Variants in MBTD1 observed in about 807,000 individuals in gnomAD.
MBTD1 encodes the protein mbt domain containing 1, also known as MBT domain-containing protein 1.
A neutral mutation model predicts 87.8 loss-of-function variants in MBTD1; 24 were observed. The observed-to-expected ratio is 0.27, with a 90% CI of 0.20 to 0.38. MBTD1 has a LOEUF of 0.38. MBTD1 is among the 10% of genes least tolerant of loss of function. The pLI, the probability that MBTD1 is intolerant of heterozygous loss-of-function variation, is 1.00. For synonymous variants in MBTD1, 237 were observed against 248.6 expected (o/e 0.95, Z 0.44); for missense variants, 436 against 760.2 (o/e 0.57, Z 5.02).
intron 12 of MBTD1, among the ~76,000 whole-genome samples, chr17:51,196,113 T>C (rs1433655887): frequency 6.6e-6 from 1 of 152,184 alleles, no homozygotes; most frequent in Admixed American, 6.5e-5. Context: ...GGTCTCACCA[T>C]GTTGCTCAGG....
intron 13 of MBTD1, among the ~76,000 whole-genome samples, chr17:51,194,563 T>A (rs2050977614): frequency 3.5e-5 from 1 of 28,192 alleles, no homozygotes; most frequent in Non-Finnish European, 6.1e-5. Context: ...AGCGAGACTG[T>A]CTCAAAAAAA....
chr17:51,210,772 C>T (rs1375138126), intron 6 of MBTD1, among the ~76,000 whole-genome samples: 1 of 131,282 alleles, frequency 7.6e-6, no homozygotes, highest in Admixed American at 7.5e-5. Flanking sequence ...ACAACAACAA[C>T]AACAACAACA....
chr17:51,211,867 T>A (rs1348608258), intron 6 of MBTD1, among the ~76,000 whole-genome samples: 4 of 152,142 alleles, frequency 2.6e-5, no homozygotes, highest in Non-Finnish European at 5.9e-5. Context: ...AGTTTTACTG[T>A]AAACTATTGC....
At chr17:51,201,201 G>A (rs1271453387) in intron 12 of MBTD1, among the ~76,000 whole-genome samples, 1 of 152,228 alleles carries the variant, frequency 6.6e-6, no homozygotes, top group East Asian at 1.9e-4. Flanking sequence ...AGTTTCAGAT[G>A]AGGGGGAAAA....
At chr17:51,213,087 G>A (rs1212069192) in intron 6 of MBTD1, among the ~76,000 whole-genome samples, 1 of 151,618 alleles carries the variant, frequency 6.6e-6, no homozygotes, top group East Asian at 1.9e-4. Context: ...CACCTAGGCT[G>A]GAGTGCAGTG....
intron 6 of MBTD1, among the ~76,000 whole-genome samples, chr17:51,214,506 C>T (rs931411298): frequency 7.9e-5 from 12 of 152,058 alleles, no homozygotes; most frequent in African/African-American, 2.4e-4. Context: ...TAGAACTAAT[C>T]ACAGTAATAT....
chr17:51,248,927 A>AT (rs1057207298), intron 2 of MBTD1, among the ~76,000 whole-genome samples: 8 of 152,002 alleles, frequency 5.3e-5, no homozygotes, highest in Non-Finnish European at 8.8e-5. Flanking sequence ...TAGATTGACA[A>AT]TTTTTTGTGA....
At chr17:51,260,542 C>T (rs1300780515), upstream of MBTD1, 3 of 1,574,352 alleles carry the variant, frequency 1.9e-6, no homozygotes, top group Non-Finnish European at 2.6e-6. Flanking sequence ...GCATGCGCAG[C>T]GAGGTTCCAC....
chr17:51,184,888 A>C (rs547980524), intron 16 of MBTD1: 1 of 152,356 alleles, frequency 6.6e-6, no homozygotes, highest in East Asian at 1.9e-4. Flanking sequence ...GTTAAAGAGC[A>C]GGTAACACTG....
At position 51,179,390 on chromosome 17, in the gene MBTD1, A is replaced by T. The variant is rs2050194283; in HGVS notation, c.*1186T>A. Reference sequence around the variant, plus strand: ...CCCTTGTATCCTTTTTTTTTTTTTAAAAGGAAGTCATATGAATTTTAAAAC... The same window carrying T: ...CCCTTGTATCCTTTTTTTTTTTTTATAAGGAAGTCATATGAATTTTAAAAC... On this transcript the variant is annotated 3_prime_UTR_variant, in exon 17 of 17. Coordinates refer to ENST00000586178, the MANE Select transcript of MBTD1 (RefSeq NM_017643.3). 1 of 147,660 alleles carries T rather than the reference A, an allele frequency of 6.8e-6. No homozygotes were observed. The highest frequency in any genetic ancestry group is 2.5e-5 in the African/African-American group (1 of 40,208). The allele number at this position is 147,660 out of a possible 1,614,324, so 9.1% of individuals were successfully genotyped here. A position where few individuals can be genotyped will look rare whatever the true frequency, so the allele number is the denominator to read the frequency against.
At chr17:51,221,058 C>T (rs546223520) in intron 3 of MBTD1, among the ~76,000 whole-genome samples, 2 of 152,106 alleles carry the variant, frequency 1.3e-5, no homozygotes, top group South Asian at 2.1e-4. Context: ...TTTGGGAGGC[C>T]GAGGCAGGAG....
At chr17:51,198,276 C>G (rs541808363) in intron 12 of MBTD1, among the ~76,000 whole-genome samples, 1 of 152,308 alleles carries the variant, frequency 6.6e-6, no homozygotes, top group Admixed American at 6.5e-5. Flanking sequence ...TAAAACTTTC[C>G]TTCAGTCCAA....
At chr17:51,222,000 A>C (rs2052927016) in intron 3 of MBTD1, among the ~76,000 whole-genome samples, 1 of 152,190 alleles carries the variant, frequency 6.6e-6, no homozygotes, top group African/African-American at 2.4e-5. Context: ...GAGAAAACTA[A>C]ACGGTTTTCT....
chr17:51,248,879 T>C (rs574238426), intron 2 of MBTD1, among the ~76,000 whole-genome samples: 1 of 152,200 alleles, frequency 6.6e-6, no homozygotes, highest in Non-Finnish European at 1.5e-5. Flanking sequence ...TGAATTTGTT[T>C]TTGTTTTCTT....
At chr17:51,260,542 C>A (rs1300780515), upstream of MBTD1, 1 of 1,574,352 alleles carries the variant, frequency 6.4e-7, no homozygotes, top group Non-Finnish European at 8.6e-7. Flanking sequence ...GCATGCGCAG[C>A]GAGGTTCCAC....
intron 6 of MBTD1, among the ~76,000 whole-genome samples, chr17:51,212,153 T>G (rs1341240017): frequency 6.6e-6 from 1 of 151,528 alleles, no homozygotes; most frequent in African/African-American, 2.4e-5. Flanking sequence ...AGGTCAGGAG[T>G]TCGAGAACAG....
intron 2 of MBTD1, among the ~76,000 whole-genome samples, chr17:51,246,169 A>AT (rs1415286343): frequency 1.3e-5 from 2 of 152,240 alleles, no homozygotes; most frequent in Non-Finnish European, 2.9e-5. Context: ...GCATAATTAG[A>AT]TATCTTGGGG....
Position 51,179,513 on chromosome 17 carries a change from T to TATATTC in MBTD1, c.*1062_*1063insGAATAT, listed in dbSNP as rs1568136119. 202 of 98,974 alleles carry TATATTC rather than the reference T, an allele frequency of 2.0e-3. 9 individuals are homozygous for TATATTC. The highest frequency in any genetic ancestry group is 7.3e-3 in the African/African-American group (189 of 26,024). The allele number at this position is 98,974 out of a possible 1,614,324, so 6.1% of individuals were successfully genotyped here. On this transcript the variant is annotated 3_prime_UTR_variant, in exon 17 of 17. Coordinates refer to ENST00000586178, the MANE Select transcript of MBTD1 (RefSeq NM_017643.3). ...ATATATATATATATATATATATATA[T>TATATTC]ATATATATATATATATATATATATG... is the stretch of plus-strand genomic sequence containing the variant.
chr17:51,220,267 ACAGATAAATGGCAAAAGC>A, intron 4 of MBTD1, 45 bp downstream of exon 4: 1 of 1,458,334 alleles, frequency 6.9e-7, no homozygotes, highest in South Asian at 1.3e-5. Context: ...CAGTCAAATG[ACAGATAAATGGCAAAAGC>A]CATAGAAATA....
Sources: allele counts gnomAD v4.1 joint callset (sites outside exome capture counted in the v4.1 genomes callset), GRCh38; gene constraint gnomAD v4.1.1; transcripts MANE v1.5; gene names NCBI Gene and HGNC (gene_info 2026-07-23, HGNC 2026-07-21).